The following BAG2 variants were observed in gnomAD, a reference collection of about 807,000 sequenced individuals.
The protein encoded by BAG2 is BAG family molecular chaperone regulator 2.
Under a neutral mutation model 16.4 loss-of-function variants are expected in BAG2, and 8 were observed. That is an observed-to-expected ratio of 0.49 (90% CI 0.29 to 0.88). BAG2 has a LOEUF of 0.88. Ranked by LOEUF, BAG2 falls within the 40% of genes least tolerant of loss-of-function variation. The probability of loss-of-function intolerance (pLI) is 0.09; values close to 1 mark genes in which losing one functional copy is unlikely to be tolerated. For synonymous variants in BAG2, 82 were observed against 89.2 expected (o/e 0.92, Z 0.46); for missense variants, 218 against 248.9 (o/e 0.88, Z 0.84).
In BAG2 at chr6:57,189,642, T is replaced by C. The variant is rs1764756412; in HGVS notation, c.*5452T>C. The stretch of plus-strand genomic sequence containing the variant: ...AGCATTCAAATTCCTATACTCCTCT[T>C]TTATCTACGCTGTCAGATGAAAACT... On this transcript the variant is annotated 3_prime_UTR_variant, in exon 3 of 3. Coordinates refer to ENST00000370693, the MANE Select transcript of BAG2 (RefSeq NM_004282.4). The C allele has an allele frequency of 6.6e-6, 1 of 152,644 alleles. No homozygotes were observed. Among genetic ancestry groups the C allele is most frequent in the South Asian group, 2.1e-4 (1 of 4,828 alleles). 9.5% of individuals were successfully genotyped at this position (152,644 alleles called of 1,614,324 possible).
Position 57,172,639 on chromosome 6 carries a change from C to T in BAG2, c.-59C>T. 4 of 1,373,304 alleles carry T rather than the reference C, an allele frequency of 2.9e-6. No homozygotes were observed. Among genetic ancestry groups the T allele is most frequent in the Non-Finnish European group, 2.9e-6 (3 of 1,035,168 alleles). 85.1% of individuals were successfully genotyped at this position (1,373,304 alleles called of 1,614,324 possible). On this transcript the variant is annotated 5_prime_UTR_variant, in exon 1 of 3. Coordinates refer to ENST00000370693, the MANE Select transcript of BAG2 (RefSeq NM_004282.4). ...CGACGCCTGCAGCCCAAGGAGCGCT[C>T]CACTCGCTGCCGCCGGAGGGGCCGG...
intron 1 of BAG2, among the ~76,000 whole-genome samples, chr6:57,179,691 G>C (rs1764383341): frequency 1.3e-5 from 2 of 152,112 alleles, no homozygotes; most frequent in Admixed American, 1.3e-4. Flanking sequence ...ACGTTCCCTG[G>C]AAGTATAGAA....
chr6:57,174,445 G>A (rs1030949382), intron 1 of BAG2: 3 of 1,255,362 alleles, frequency 2.4e-6, no homozygotes, highest in Admixed American at 4.6e-5. Context: ...AAAGCCTCAG[G>A]TTTTGAATAT....
intron 1 of BAG2, among the ~76,000 whole-genome samples, chr6:57,175,373 C>T (rs914001268): frequency 6.6e-6 from 1 of 152,148 alleles, no homozygotes; most frequent in African/African-American, 2.4e-5. Context: ...ACCCTTATTA[C>T]AGTCTTACGT....
In BAG2 at chr6:57,182,050, A is replaced by G. The variant is rs1327966900; in HGVS notation, c.132A>G (p.Glu44=). 1 of 1,614,118 alleles carries G rather than the reference A, an allele frequency of 6.2e-7. No individual in the cohort carries two copies. The highest frequency in any genetic ancestry group is 2.2e-5 in the East Asian group (1 of 44,884). The stretch of plus-strand genomic sequence containing the variant: ...TCTATAGGGTTGAAGCTTTGAGAGA[A>G]GCAGCAACTGCTGTTGAGCAAGAGA... ...QLELRVEALR[E]AATAVEQEKE... is the part of the protein sequence containing the mutation. Residue 44 remains glutamate, a synonymous_variant, in exon 2 of 3, where the codon GAA becomes GAG. Transcript: ENST00000370693.
rs936523260 is a variant in BAG2, at chr6:57,188,399, C to T, written c.*4209C>T. The T allele has an allele frequency of 6.6e-6, 1 of 152,114 alleles. No individual in the cohort carries two copies. Among genetic ancestry groups the T allele is most frequent in the Non-Finnish European group, 1.5e-5 (1 of 67,986 alleles). 9.4% of individuals were successfully genotyped at this position (152,114 alleles called of 1,614,324 possible). A position where few individuals can be genotyped will look rare whatever the true frequency, so the allele number is the denominator to read the frequency against. Reference sequence around the variant, plus strand: ...AAACTAGGTACATAAAATTATATTACAGGAACTGTAACTATCCTCAGAGAT... The same window carrying T: ...AAACTAGGTACATAAAATTATATTATAGGAACTGTAACTATCCTCAGAGAT... On this transcript the variant is annotated 3_prime_UTR_variant, in exon 3 of 3. Transcript: ENST00000370693.
intron 1 of BAG2, chr6:57,173,178 A>G: frequency 2.0e-6 from 2 of 1,002,860 alleles, no homozygotes; most frequent in South Asian, 9.2e-5. Flanking sequence ...CAGAACTTCT[A>G]GAACCTTCTG....
chr6:57,180,868 A>C (rs1764419347), intron 1 of BAG2, among the ~76,000 whole-genome samples: 1 of 152,248 alleles, frequency 6.6e-6, no homozygotes, highest in Non-Finnish European at 1.5e-5. Context: ...AGATGGTTGC[A>C]ATGTCTGTAA....
chr6:57,180,420 A>G (rs1764403624), intron 1 of BAG2, among the ~76,000 whole-genome samples: 2 of 152,070 alleles, frequency 1.3e-5, no homozygotes, highest in Admixed American at 1.3e-4. Flanking sequence ...ATTAAAGTGT[A>G]GTACAAGGCT....
At chr6:57,179,304 A>G (rs976390824) in intron 1 of BAG2, among the ~76,000 whole-genome samples, 2 of 152,212 alleles carry the variant, frequency 1.3e-5, no homozygotes, top group Admixed American at 1.3e-4. Context: ...TTCTCTAGCC[A>G]AATTTGTCAC....
chr6:57,174,156 G>A, intron 1 of BAG2: 1 of 1,039,310 alleles, frequency 9.6e-7, no homozygotes, highest in Non-Finnish European at 1.2e-6. Context: ...AGAAATTGGT[G>A]GCCTCAGTTA....
chr6:57,173,125 A>G (rs1166809988), intron 1 of BAG2: 2 of 1,040,422 alleles, frequency 1.9e-6, no homozygotes, highest in Middle Eastern at 4.3e-4. Context: ...TAAAAGTTAC[A>G]GTGAGATTCC....
intron 1 of BAG2, 145 bp from the exon 2 acceptor site, chr6:57,181,887 A>C (rs1479286993): frequency 3.1e-6 from 2 of 651,602 alleles, no homozygotes; most frequent in Non-Finnish European, 5.2e-6. Context: ...GTATAGAAAA[A>C]TGAAAGAATT....
At position 57,186,844 on chromosome 6, in the gene BAG2, T is replaced by C. The variant is rs1764624575; in HGVS notation, c.*2654T>C. The stretch of plus-strand genomic sequence containing the variant: ...CCCTCCTGCCATTCCTTGTTAGCAC[T>C]ACTTTCAATAAAATGAGAGTATTAA... On this transcript the variant is annotated 3_prime_UTR_variant, in exon 3 of 3. Coordinates refer to ENST00000370693, the MANE Select transcript of BAG2 (RefSeq NM_004282.4). 6.6e-6 allele frequency: 1 copy of C among 152,192 alleles called. No individual in the cohort carries two copies. Among genetic ancestry groups the C allele is most frequent in the African/African-American group, 2.4e-5 (1 of 41,430 alleles). 9.4% of individuals were successfully genotyped at this position (152,192 alleles called of 1,614,324 possible). A position where few individuals can be genotyped will look rare whatever the true frequency, so the allele number is the denominator to read the frequency against.
At position 57,172,655 on chromosome 6, in the gene BAG2, G is replaced by A. The variant is rs1475590291; in HGVS notation, c.-43G>A. On this transcript the variant is annotated 5_prime_UTR_variant, in exon 1 of 3. Transcript: ENST00000370693. Reference sequence around the variant, plus strand: ...AGGAGCGCTCCACTCGCTGCCGCCGGAGGGGCCGGTGACCTCTTGGCTACC... The same window carrying A: ...AGGAGCGCTCCACTCGCTGCCGCCGAAGGGGCCGGTGACCTCTTGGCTACC... The A allele has an allele frequency of 1.4e-6, 2 of 1,430,198 alleles. No homozygotes were observed. Among genetic ancestry groups the A allele is most frequent in the Non-Finnish European group, 1.9e-6 (2 of 1,076,490 alleles). The allele number at this position is 1,430,198 out of a possible 1,614,324, so 88.6% of individuals were successfully genotyped here. A position where few individuals can be genotyped will look rare whatever the true frequency, so the allele number is the denominator to read the frequency against.
At chr6:57,180,612 TTACC>T (rs1052762308) in intron 1 of BAG2, among the ~76,000 whole-genome samples, 26 of 152,100 alleles carry the variant, frequency 1.7e-4, no homozygotes, top group Non-Finnish European at 2.8e-4. Flanking sequence ...CAAAACATTC[TTACC>T]TAACTGCATG....
chr6:57,182,192 G>A, intron 2 of BAG2, 51 bp downstream of exon 2: 1 of 1,525,072 alleles, frequency 6.6e-7, no homozygotes, highest in East Asian at 2.3e-5. Context: ...CCTTTAAAGA[G>A]TTTATGATAA....
chr6:57,181,176 GCAGAGTACACATAC>G (rs1764429613), intron 1 of BAG2, among the ~76,000 whole-genome samples: 1 of 152,150 alleles, frequency 6.6e-6, no homozygotes, highest in Non-Finnish European at 1.5e-5. Flanking sequence ...TAAGTCAAAA[GCAGAGTACACATAC>G]CCTTTGTCTT....
intron 1 of BAG2, 76 bp downstream of exon 1, chr6:57,172,886 C>G: frequency 8.0e-7 from 1 of 1,255,844 alleles, no homozygotes; most frequent in Non-Finnish European, 1.0e-6. Context: ...GGACGGAGGC[C>G]GCGTGTGGCG....
Sources: allele counts gnomAD v4.1 joint callset (sites outside exome capture counted in the v4.1 genomes callset), GRCh38; gene constraint gnomAD v4.1.1; transcripts MANE v1.5; gene names NCBI Gene and HGNC (gene_info 2026-07-23, HGNC 2026-07-21).